Variants in CR1L observed in about 807,000 individuals in gnomAD.
CR1L encodes complement C3b/C4b receptor 1 like, also known as complement component receptor 1-like protein.
A neutral mutation model predicts 62.3 loss-of-function variants in CR1L; 59 were observed. The observed-to-expected ratio is 0.95, with a 90% CI of 0.77 to 1.18. CR1L has a LOEUF of 1.18. CR1L is among the 50% of genes most tolerant of loss of function. The pLI, the probability that CR1L is intolerant of heterozygous loss-of-function variation, is 0.00. For synonymous variants in CR1L, 279 were observed against 248.7 expected (o/e 1.12, Z -1.15); for missense variants, 700 against 702.8 (o/e 1.00, Z 0.04).
intron 1 of CR1L, among the ~76,000 whole-genome samples, chr1:207,651,628 A>C (rs1663225027): frequency 6.6e-6 from 1 of 152,138 alleles, no homozygotes; most frequent in South Asian, 2.1e-4. Context: ...AATTTGAGGA[A>C]GATGAGTTGC....
chr1:207,697,007 TGAAAG>T (rs1664109424), intron 5 of CR1L, among the ~76,000 whole-genome samples: 1 of 152,158 alleles, frequency 6.6e-6, no homozygotes, highest in Non-Finnish European at 1.5e-5. Flanking sequence ...AGAGAAGACT[TGAAAG>T]GAGAAGAGAA....
At chr1:207,665,585 G>A (rs1292086973) in intron 1 of CR1L, among the ~76,000 whole-genome samples, 2 of 151,532 alleles carry the variant, frequency 1.3e-5, no homozygotes, top group African/African-American at 4.9e-5. Context: ...AATAGAGATG[G>A]GGTTTCACCA....
chr1:207,671,154 C>T (rs1208850233), intron 1 of CR1L, among the ~76,000 whole-genome samples: 1 of 150,920 alleles, frequency 6.6e-6, no homozygotes, highest in African/African-American at 2.5e-5. Flanking sequence ...ATAAAATGAG[C>T]ATGACTGACA....
intron 4 of CR1L, among the ~76,000 whole-genome samples, 191 bp from the exon 5 acceptor site, chr1:207,694,162 T>TAAGTA (rs1664034870): frequency 6.6e-6 from 1 of 152,180 alleles, no homozygotes; most frequent in Non-Finnish European, 1.5e-5. Context: ...GCAAATATTA[T>TAAGTA]AGGAAATCAT....
At chr1:207,692,712 C>A (rs911281486) in intron 4 of CR1L, among the ~76,000 whole-genome samples, 1 of 151,214 alleles carries the variant, frequency 6.6e-6, no homozygotes, top group Non-Finnish European at 1.5e-5. Context: ...GCCGATGGAT[C>A]CCCTTCTCTC....
intron 5 of CR1L, among the ~76,000 whole-genome samples, chr1:207,696,188 C>T (rs1339424514): frequency 2.0e-5 from 3 of 152,200 alleles, no homozygotes; most frequent in Non-Finnish European, 4.4e-5. Context: ...TCCCTGAAAG[C>T]TGCTAATGCT....
At chr1:207,701,689 G>A (rs1664194740) in intron 9 of CR1L, 71 bp downstream of exon 9, 3 of 1,600,450 alleles carry the variant, frequency 1.9e-6, no homozygotes, top group African/African-American at 1.3e-5. Context: ...CCACATCTCA[G>A]GAAGGAAACT....
At position 207,697,860 on chromosome 1, in the gene CR1L, G is replaced by A. The variant is rs915271055; in HGVS notation, c.1129G>A (p.Val377Ile). 6.2e-7 allele frequency: 1 copy of A among 1,613,732 alleles called. No individual in the cohort carries two copies. Among genetic ancestry groups the A allele is most frequent in the Non-Finnish European group, 8.5e-7 (1 of 1,179,866 alleles). The change falls in exon 7 of 12, where the codon GTT (valine) becomes ATT (isoleucine). Residue 377 changes from valine to isoleucine, a missense_variant. Coordinates refer to ENST00000508064, the MANE Select transcript of CR1L (RefSeq NM_175710.2). ...CCAGCTTGGAGCAAAAGTGGATTTT[G>A]TTTGTGATGAAGGGTGAGTATGAGC... Reference protein sequence around the residue: ...NLQLGAKVDFVCDEGFQLKGS... With the variant: ...NLQLGAKVDFICDEGFQLKGS...
Position 207,718,270 on chromosome 1 carries a change from T to A in CR1L, c.1642+579T>A, listed in dbSNP as rs142623862. On this transcript the variant is annotated intron_variant, in intron 11 of 11. Coordinates refer to ENST00000508064, the MANE Select transcript of CR1L (RefSeq NM_175710.2). ...GGAGAAGCAGAGTCTGAGACTGTACTCTTAGCCTTCATAGCTCCTTCCTTT... is the reference window on the plus strand; with the variant it reads ...GGAGAAGCAGAGTCTGAGACTGTACACTTAGCCTTCATAGCTCCTTCCTTT... 2.2e-3 allele frequency among the ~76,000 whole-genome samples: 330 copies of A among 152,322 alleles called. 3 individuals carry two copies. The highest frequency in any genetic ancestry group is 7.4e-3 in the African/African-American group (307 of 41,572).
intron 5 of CR1L, among the ~76,000 whole-genome samples, chr1:207,696,184 A>T (rs1664099227): frequency 1.3e-5 from 2 of 152,324 alleles, no homozygotes; most frequent in Admixed American, 6.5e-5. Context: ...CAGCTCCCTG[A>T]AAGCTGCTAA....
intron 1 of CR1L, among the ~76,000 whole-genome samples, chr1:207,665,907 G>T (rs141648103): frequency 4.6e-5 from 7 of 152,300 alleles, no homozygotes; most frequent in African/African-American, 1.7e-4. Flanking sequence ...GGGAATGTTT[G>T]TGTGAGCTAA....
chr1:207,710,807 AG>A (rs1165792599), intron 10 of CR1L: 46 of 1,543,632 alleles, frequency 3.0e-5, no homozygotes, highest in Non-Finnish European at 3.9e-5. Flanking sequence ...GAGGCCTAGA[AG>A]GGCCCTGCAA....
At chr1:207,686,793 G>A (rs1464838588) in intron 4 of CR1L, among the ~76,000 whole-genome samples, 1 of 152,182 alleles carries the variant, frequency 6.6e-6, no homozygotes, top group Non-Finnish European at 1.5e-5. Flanking sequence ...CCCCTAAGGT[G>A]ATGACATTAG....
At chr1:207,697,277 G>A (rs986309507) in intron 5 of CR1L, among the ~76,000 whole-genome samples, 25 of 152,168 alleles carry the variant, frequency 1.6e-4, no homozygotes, top group African/African-American at 6.0e-4. Flanking sequence ...ACAATGAATT[G>A]GGGATACCTC....
chr1:207,713,962 T>C (rs1448163056), intron 10 of CR1L, among the ~76,000 whole-genome samples: 1 of 152,176 alleles, frequency 6.6e-6, no homozygotes, highest in African/African-American at 2.4e-5. Flanking sequence ...GTGCTTCCTG[T>C]TGCATGGAAT....
intron 1 of CR1L, chr1:207,655,093 C>A (rs1663284476): frequency 3.1e-6 from 1 of 322,522 alleles, no homozygotes; most frequent in Non-Finnish European, 6.1e-6. Context: ...CCTCAAATTA[C>A]TGCAGCGTAG....
intron 10 of CR1L, among the ~76,000 whole-genome samples, chr1:207,713,804 T>C (rs574277133): frequency 1.3e-4 from 20 of 152,352 alleles, no homozygotes; most frequent in Non-Finnish European, 2.2e-4. Flanking sequence ...TCTTAGCATT[T>C]GATAATGCCT....
At chr1:207,715,142 A>G (rs1232658570) in intron 10 of CR1L, among the ~76,000 whole-genome samples, 1 of 152,178 alleles carries the variant, frequency 6.6e-6, no homozygotes, top group East Asian at 1.9e-4. Context: ...TCAGCTACTG[A>G]AGAATTCAGA....
chr1:207,682,424 A>G (rs1280437354), intron 3 of CR1L, among the ~76,000 whole-genome samples: 2 of 152,092 alleles, frequency 1.3e-5, no homozygotes, highest in Non-Finnish European at 2.9e-5. Context: ...GTGACATTGC[A>G]CTCCAGCCTG....
Sources: gnomAD v4.1 joint callset for allele counts (sites outside exome capture counted in the v4.1 genomes callset) on GRCh38, gnomAD v4.1.1 for gene constraint, MANE v1.5 for transcripts, NCBI Gene and HGNC (gene_info 2026-07-23, HGNC 2026-07-21) for gene names.